The following UNC13C variants were observed in gnomAD, a reference collection of about 807,000 sequenced individuals.
UNC13C encodes protein unc-13 homolog C.
Under a neutral mutation model 245.4 loss-of-function variants are expected in UNC13C, and 174 were observed. The observed-to-expected ratio is 0.71, with a 90% CI of 0.63 to 0.80. UNC13C has a LOEUF of 0.80. Among genes scored for constraint, UNC13C ranks in the 30% least tolerant of loss-of-function variants. The pLI, the probability that UNC13C is intolerant of heterozygous loss-of-function variation, is 0.00. For missense variants in UNC13C, 2,829 were observed against 2,602.9 expected (o/e 1.09, Z -1.89); for synonymous variants, 992 against 895.1 (o/e 1.11, Z -1.93).
chr15:54,272,650 A>G (rs1019874378), intron 10 of UNC13C, among the ~76,000 whole-genome samples: 2 of 152,142 alleles, frequency 1.3e-5, no homozygotes, highest in Non-Finnish European at 2.9e-5. Flanking sequence ...ATCATTGCCT[A>G]CATTGTGATT....
the UNC13C span, among the ~76,000 whole-genome samples, chr15:53,953,014 T>C: frequency 6.6e-6 from 1 of 152,224 alleles, no homozygotes; most frequent in Non-Finnish European, 1.5e-5. Flanking sequence ...GCCACTTCTA[T>C]GTTCGAAACC....
intron 19 of UNC13C, among the ~76,000 whole-genome samples, chr15:54,434,724 A>G (rs1223410882): frequency 6.6e-6 from 1 of 152,154 alleles, no homozygotes; most frequent in African/African-American, 2.4e-5. Flanking sequence ...AAAAGCCAAA[A>G]TTGACAAATG....
chr15:54,251,488 G>A (rs747692029), intron 8 of UNC13C, among the ~76,000 whole-genome samples: 1 of 152,106 alleles, frequency 6.6e-6, no homozygotes, highest in Non-Finnish European at 1.5e-5. Flanking sequence ...TCTTGAATGA[G>A]TACATGCCAC....
intron 2 of UNC13C, among the ~76,000 whole-genome samples, chr15:54,106,306 T>C (rs1900442118): frequency 6.6e-6 from 1 of 152,198 alleles, no homozygotes; most frequent in Non-Finnish European, 1.5e-5. Context: ...TAATTTCCTT[T>C]CTTATAAAAA....
chr15:54,259,931 G>A (rs34057643), intron 8 of UNC13C, among the ~76,000 whole-genome samples: 4 of 148,882 alleles, frequency 2.7e-5, no homozygotes, highest in Non-Finnish European at 6.0e-5. Flanking sequence ...TATTCCTGTG[G>A]TTTTTTTTTT....
chr15:54,541,049 C>T (rs1409826848), intron 26 of UNC13C, among the ~76,000 whole-genome samples: 1 of 151,928 alleles, frequency 6.6e-6, no homozygotes, highest in Non-Finnish European at 1.5e-5. Context: ...AAATGGTACC[C>T]CTGAAAAACA....
In UNC13C at chr15:54,071,873, C is replaced by T. The variant is rs72740356; in HGVS notation, c.2983+55987C>T. ...TCTTGTGCCTTTAAAGGAAAAGATT[C>T]CTGACCCCTGGCCTGACTTACTGCT... On this transcript the variant is annotated intron_variant, in intron 2 of 32. Transcript: ENST00000260323. Among the ~76,000 whole-genome samples, 1,522 of 152,208 alleles carry T rather than the reference C, an allele frequency of 1.0e-2. 12 individuals carry two copies. Among genetic ancestry groups the T allele is most frequent in the Admixed American group, 0.019 (288 of 15,282 alleles).
chr15:54,002,544 C>T (rs143965543), intron 1 of UNC13C, among the ~76,000 whole-genome samples: 2 of 152,122 alleles, frequency 1.3e-5, no homozygotes, highest in African/African-American at 2.4e-5. Context: ...TGGTATAGGA[C>T]ACTCGGGTGG....
Position 54,367,488 on chromosome 15 carries a change from C to T in UNC13C, c.4714-25560C>T, listed in dbSNP as rs2039390529. On this transcript the variant is annotated intron_variant, in intron 17 of 32. Transcript: ENST00000260323. Reference sequence around the variant, plus strand: ...TAGCTTTCCCATTATGCCACAGGCTCTTTGAAGGGAGGATCTGAGTTTAAT... The same window carrying T: ...TAGCTTTCCCATTATGCCACAGGCTTTTTGAAGGGAGGATCTGAGTTTAAT... Among the ~76,000 whole-genome samples, 5 of 152,148 alleles carry T rather than the reference C, an allele frequency of 3.3e-5. No homozygotes were observed. In the South Asian group the frequency reaches 1.0e-3, roughly 31 times the overall value.
At chr15:54,132,954 T>C (rs2141218142) in intron 2 of UNC13C, among the ~76,000 whole-genome samples, 1 of 152,314 alleles carries the variant, frequency 6.6e-6, no homozygotes, top group African/African-American at 2.4e-5. Context: ...TGTGTTATAA[T>C]AGAGGTAAAA....
chr15:54,426,424 C>T (rs895734739), intron 19 of UNC13C, among the ~76,000 whole-genome samples: 2 of 150,380 alleles, frequency 1.3e-5, no homozygotes, highest in Admixed American at 6.7e-5. Context: ...AGTATCTTTA[C>T]AAGTAGTGCC....
At chr15:54,439,800 G>A (rs536553576) in intron 19 of UNC13C, among the ~76,000 whole-genome samples, 2 of 151,918 alleles carry the variant, frequency 1.3e-5, no homozygotes, top group East Asian at 3.9e-4. Flanking sequence ...TCAAATCCTT[G>A]CCTCTAGCTA....
chr15:54,157,615 C>G (rs1368403449), intron 4 of UNC13C, among the ~76,000 whole-genome samples: 1 of 152,124 alleles, frequency 6.6e-6, no homozygotes, highest in Non-Finnish European at 1.5e-5. Flanking sequence ...TTTTGAGACA[C>G]TCTAGCTACC....
intron 10 of UNC13C, among the ~76,000 whole-genome samples, chr15:54,266,126 A>C (rs1287630391): frequency 6.6e-6 from 1 of 152,130 alleles, no homozygotes; most frequent in East Asian, 1.9e-4. Context: ...AGTTAAAGAC[A>C]GTCTTTTTTC....
intron 4 of UNC13C, among the ~76,000 whole-genome samples, chr15:54,193,914 T>C (rs1191983640): frequency 2.0e-5 from 3 of 152,176 alleles, no homozygotes; most frequent in Non-Finnish European, 4.4e-5. Flanking sequence ...TAATGAGATC[T>C]GGAGCTACGA....
chr15:54,143,525 G>A (rs1157366824), intron 3 of UNC13C, 95 bp from the exon 4 acceptor site: 3 of 882,442 alleles, frequency 3.4e-6, no homozygotes, highest in Non-Finnish European at 3.6e-6. Context: ...TGTTACGTGT[G>A]TAGTGCAGCT....
intron 2 of UNC13C, among the ~76,000 whole-genome samples, chr15:54,116,022 A>G (rs879593918): frequency 2.6e-5 from 4 of 152,176 alleles, no homozygotes; most frequent in Non-Finnish European, 5.9e-5. Context: ...TAAAATATAC[A>G]TATAAAATTT....
At chr15:54,052,348 CA>C (rs555111974) in intron 2 of UNC13C, among the ~76,000 whole-genome samples, 233 of 145,748 alleles carry the variant, frequency 1.6e-3, no homozygotes, top group African/African-American at 5.9e-3. Context: ...CTGACTTCCA[CA>C]ATGGTTGAAC....
chr15:54,305,471 G>C (rs1231897477), intron 13 of UNC13C, among the ~76,000 whole-genome samples: 2 of 151,796 alleles, frequency 1.3e-5, no homozygotes, highest in Non-Finnish European at 2.9e-5. Context: ...TGTAACTTGA[G>C]CCCTAAGCTA....
Sources: allele counts gnomAD v4.1 joint callset (sites outside exome capture counted in the v4.1 genomes callset), GRCh38; gene constraint gnomAD v4.1.1; transcripts MANE v1.5; gene names NCBI Gene and HGNC (gene_info 2026-07-23, HGNC 2026-07-21).